Variants in AKNAD1 observed in about 807,000 individuals in gnomAD.
The protein encoded by AKNAD1 is protein AKNAD1.
In AKNAD1, 67 loss-of-function variants were observed where a neutral mutation model predicts 90.8. That is an observed-to-expected ratio of 0.74 (90% CI 0.61 to 0.90). The LOEUF (loss-of-function observed/expected upper bound fraction) is 0.90. Ranked by LOEUF, AKNAD1 falls within the 40% of genes least tolerant of loss-of-function variation. AKNAD1 has a pLI of 0.00. For missense variants in AKNAD1, 957 were observed against 975.4 expected (o/e 0.98, Z 0.25); for synonymous variants, 327 against 341.4 (o/e 0.96, Z 0.46).
In AKNAD1 at chr1:108,827,307, A is replaced by T. The variant is rs373032742; in HGVS notation, c.1839-5T>A. The stretch of plus-strand genomic sequence containing the variant: ...TTTTTCTCCACGTTTTGCTTCCTAA[A>T]AAAAGGTGCATAAGATCCTGTAAAC... On this transcript the variant is annotated splice_polypyrimidine_tract_variant and splice_region_variant and intron_variant, in intron 10 of 15. Coordinates refer to ENST00000370001, the MANE Select transcript of AKNAD1 (RefSeq NM_152763.5). The T allele has an allele frequency of 6.3e-7, 1 of 1,596,436 alleles. No homozygotes were observed. The highest frequency in any genetic ancestry group is 8.6e-7 in the Non-Finnish European group (1 of 1,166,210).
chr1:108,829,232 A>G (rs1320354192), intron 10 of AKNAD1, among the ~76,000 whole-genome samples: 1 of 151,604 alleles, frequency 6.6e-6, no homozygotes, highest in East Asian at 2.0e-4. Flanking sequence ...TCACTGTGAG[A>G]TTTGATTTTA....
intron 10 of AKNAD1, among the ~76,000 whole-genome samples, chr1:108,828,559 C>T (rs1294563309): frequency 6.6e-6 from 1 of 151,828 alleles, no homozygotes; most frequent in Non-Finnish European, 1.5e-5. Flanking sequence ...AGGGTTTGAG[C>T]CCAAGGCATT....
At chr1:108,825,871 CTA>C (rs949066609) in intron 11 of AKNAD1, among the ~76,000 whole-genome samples, 2 of 151,622 alleles carry the variant, frequency 1.3e-5, no homozygotes, top group Non-Finnish European at 2.9e-5. Flanking sequence ...ATGAAAATAA[CTA>C]TTTCTAAAAA....
chr1:108,850,519 C>T (rs369933175), intron 2 of AKNAD1, among the ~76,000 whole-genome samples: 2 of 152,112 alleles, frequency 1.3e-5, no homozygotes, highest in East Asian at 1.9e-4. Context: ...GAGAGCATCC[C>T]AGTCATGGCC....
chr1:108,823,311 C>T, intron 13 of AKNAD1, 59 bp downstream of exon 13: 1 of 1,326,030 alleles, frequency 7.5e-7, no homozygotes, highest in Middle Eastern at 1.8e-4. Context: ...ATGTGAATGT[C>T]CCATACCTGG....
At chr1:108,832,105 A>AGT (rs1358358994) in intron 9 of AKNAD1, among the ~76,000 whole-genome samples, 2 of 150,518 alleles carry the variant, frequency 1.3e-5, no homozygotes, top group Admixed American at 1.3e-4. Flanking sequence ...TTTAATGGTG[A>AGT]GTGATCTGAG....
chr1:108,840,476 C>G (rs984280189), intron 6 of AKNAD1, among the ~76,000 whole-genome samples: 3 of 152,156 alleles, frequency 2.0e-5, no homozygotes, highest in African/African-American at 7.2e-5. Context: ...TCAATACATT[C>G]CTAAGCAAAA....
intron 9 of AKNAD1, chr1:108,830,859 T>C: frequency 1.7e-6 from 1 of 597,148 alleles, no homozygotes; most frequent in Non-Finnish European, 3.0e-6. Flanking sequence ...TTCTGATGTG[T>C]CACTCAGTCG....
chr1:108,855,281 C>T (rs911596378), intron 1 of AKNAD1, among the ~76,000 whole-genome samples: 4 of 152,134 alleles, frequency 2.6e-5, no homozygotes, highest in South Asian at 2.1e-4. Context: ...GGCGTGGTGG[C>T]GCACACCTGT....
intron 1 of AKNAD1, 137 bp from the exon 2 acceptor site, chr1:108,852,904 ACC>A: frequency 5.6e-6 from 2 of 358,116 alleles, no homozygotes; most frequent in South Asian, 1.4e-4. Context: ...CCACAAGCTG[ACC>A]CAACCTCAAT....
intron 7 of AKNAD1, among the ~76,000 whole-genome samples, chr1:108,835,267 C>G (rs1269624757): frequency 6.6e-6 from 1 of 152,194 alleles, no homozygotes; most frequent in Non-Finnish European, 1.5e-5. Context: ...AACCTTCTCC[C>G]TTAGTAATTC....
intron 12 of AKNAD1, 37 bp downstream of exon 12, chr1:108,823,529 C>T (rs773772608): frequency 9.4e-6 from 15 of 1,601,782 alleles, no homozygotes; most frequent in Admixed American, 3.3e-5. Flanking sequence ...CAGTGACTGT[C>T]CCCACTCGCC....
intron 7 of AKNAD1, chr1:108,836,995 G>GCCAA (rs1166258614): frequency 6.6e-6 from 1 of 152,300 alleles, no homozygotes; most frequent in Non-Finnish European, 1.5e-5. Flanking sequence ...ACTTTGGAAG[G>GCCAA]CCAAGCGGGC....
chr1:108,837,297 C>G (rs537712771), intron 7 of AKNAD1: 13 of 362,518 alleles, frequency 3.6e-5, no homozygotes, highest in African/African-American at 2.5e-4. Flanking sequence ...AATAGCTCTT[C>G]GGTGGTTTAA....
At chr1:108,841,907 T>C (rs752254537) in intron 6 of AKNAD1, among the ~76,000 whole-genome samples, 15 of 152,190 alleles carry the variant, frequency 9.9e-5, no homozygotes, top group Non-Finnish European at 2.2e-4. Flanking sequence ...AAGCTCTTTT[T>C]ATTTATACTC....
At chr1:108,827,939 G>A (rs1232794248) in intron 10 of AKNAD1, among the ~76,000 whole-genome samples, 2 of 151,114 alleles carry the variant, frequency 1.3e-5, no homozygotes, top group African/African-American at 2.4e-5. Context: ...ATAAAATTTG[G>A]AGTTTTCCTC....
At chr1:108,829,876 T>C (rs1224598760) in intron 10 of AKNAD1, among the ~76,000 whole-genome samples, 1 of 152,226 alleles carries the variant, frequency 6.6e-6, no homozygotes, top group African/African-American at 2.4e-5. Context: ...TCTCGCTACC[T>C]GAAAGAAGCT....
At chr1:108,828,872 C>T (rs929369800) in intron 10 of AKNAD1, among the ~76,000 whole-genome samples, 3 of 151,876 alleles carry the variant, frequency 2.0e-5, no homozygotes, top group South Asian at 4.2e-4. Flanking sequence ...ATCTTCTGGC[C>T]AAACATAATT....
At chr1:108,850,722 T>A (rs1250808220) in intron 2 of AKNAD1, among the ~76,000 whole-genome samples, 1 of 152,180 alleles carries the variant, frequency 6.6e-6, no homozygotes, top group Non-Finnish European at 1.5e-5. Flanking sequence ...GCAGTGTGGT[T>A]CAGTCCAGGA....
Sources: gnomAD v4.1 joint callset for allele counts (sites outside exome capture counted in the v4.1 genomes callset) on GRCh38, gnomAD v4.1.1 for gene constraint, MANE v1.5 for transcripts, NCBI Gene and HGNC (gene_info 2026-07-23, HGNC 2026-07-21) for gene names.